The following TBC1D5 variants were observed in gnomAD, a reference collection of about 807,000 sequenced individuals.
TBC1D5 encodes TBC1 domain family member 5, also known as TBC1 domain family, member 5.
TBC1D5 carries 75 observed loss-of-function variants against 100.3 expected under a neutral mutation model. That is an observed-to-expected ratio of 0.75 (90% confidence interval 0.62 to 0.91). TBC1D5 has a LOEUF of 0.91. Among genes scored for constraint, TBC1D5 ranks in the 40% least tolerant of loss-of-function variants. TBC1D5 has a pLI of 0.00. For synonymous variants in TBC1D5, 323 were observed against 325.6 expected, an observed-to-expected ratio of 0.99 and a Z score of 0.09; for missense variants, 910 against 942.4, an observed-to-expected ratio of 0.97 and a Z score of 0.45.
At chr3:17,198,872 C>G (rs1220250494) in intron 18 of TBC1D5, among the ~76,000 whole-genome samples, 2 of 152,190 alleles carry the variant, frequency 1.3e-5, no homozygotes, top group African/African-American at 2.4e-5. Flanking sequence ...TGACTCAGTT[C>G]TTCTGTGACC....
intron 16 of TBC1D5, among the ~76,000 whole-genome samples, chr3:17,249,764 T>C (rs964850905): frequency 2.6e-5 from 4 of 152,126 alleles, no homozygotes; most frequent in Admixed American, 2.0e-4. Context: ...TCTCAAGGAA[T>C]AGGGAGGCCC....
At chr3:17,293,035 G>A (rs927962035) in intron 14 of TBC1D5, among the ~76,000 whole-genome samples, 3 of 152,060 alleles carry the variant, frequency 2.0e-5, no homozygotes, top group African/African-American at 7.2e-5. Flanking sequence ...AGCACTATGG[G>A]GAAAGGAGAC....
chr3:17,321,415 A>G (rs1432800791), intron 13 of TBC1D5, among the ~76,000 whole-genome samples: 1 of 152,218 alleles, frequency 6.6e-6, no homozygotes, highest in African/African-American at 2.4e-5. Flanking sequence ...TCCAAAAGGA[A>G]ACACTTATCA....
At chr3:17,706,437 ACACG>A (rs775178237) in intron 1 of TBC1D5, among the ~76,000 whole-genome samples, 1 of 148,482 alleles carries the variant, frequency 6.7e-6, no homozygotes, top group African/African-American at 2.5e-5. Flanking sequence ...ACACACACAC[ACACG>A]CGCGCGCACA....
At chr3:17,684,386 G>T (rs1472565598) in intron 1 of TBC1D5, among the ~76,000 whole-genome samples, 1 of 151,980 alleles carries the variant, frequency 6.6e-6, no homozygotes, top group Non-Finnish European at 1.5e-5. Context: ...GTCTACAGAG[G>T]CCATTTTCAC....
At chr3:17,220,714 C>A (rs2074179879) in intron 17 of TBC1D5, among the ~76,000 whole-genome samples, 1 of 151,996 alleles carries the variant, frequency 6.6e-6, no homozygotes, top group African/African-American at 2.4e-5. Context: ...TCTCCTTGCT[C>A]CTTGGAACTC....
At chr3:17,292,260 C>T (rs532302902) in intron 14 of TBC1D5, among the ~76,000 whole-genome samples, 1 of 152,278 alleles carries the variant, frequency 6.6e-6, no homozygotes, top group Admixed American at 6.5e-5. Flanking sequence ...GATATTTGTA[C>T]ATCTGCAACA....
intron 16 of TBC1D5, among the ~76,000 whole-genome samples, chr3:17,254,136 T>C (rs2077419109): frequency 6.6e-6 from 1 of 152,208 alleles, no homozygotes; most frequent in Non-Finnish European, 1.5e-5. Flanking sequence ...ATTTCCAGAT[T>C]TGGGGTATTA....
chr3:17,494,807 T>A (rs2095684900), intron 3 of TBC1D5, among the ~76,000 whole-genome samples: 2 of 152,170 alleles, frequency 1.3e-5, no homozygotes. Context: ...TCAATCATCT[T>A]AGGCAGTCTC....
chr3:17,167,922 T>A, intron 19 of TBC1D5, 94 bp from the exon 21 acceptor site: 1 of 890,972 alleles, frequency 1.1e-6, no homozygotes, highest in African/African-American at 1.7e-5. Flanking sequence ...GGAAGTTTTC[T>A]GCCAAATCTC....
intron 13 of TBC1D5, chr3:17,340,618 A>G (rs1051012421): frequency 6.6e-6 from 1 of 152,104 alleles, no homozygotes; most frequent in South Asian, 2.1e-4. Context: ...TAACTTAACA[A>G]AAGTATTTAT....
intron 13 of TBC1D5, among the ~76,000 whole-genome samples, chr3:17,354,598 A>C (rs1268280883): frequency 6.6e-6 from 1 of 152,030 alleles, no homozygotes; most frequent in African/African-American, 2.4e-5. Flanking sequence ...TTGCTGTATT[A>C]ATGGATTATT....
chr3:17,535,822 C>A (rs962902846), intron 2 of TBC1D5, among the ~76,000 whole-genome samples: 1 of 151,924 alleles, frequency 6.6e-6, no homozygotes, highest in Non-Finnish European at 1.5e-5. Flanking sequence ...ACACACAAAA[C>A]AAACCAATGA....
At chr3:17,331,033 C>T (rs767681545) in intron 13 of TBC1D5, among the ~76,000 whole-genome samples, 3 of 152,104 alleles carry the variant, frequency 2.0e-5, no homozygotes, top group Non-Finnish European at 4.4e-5. Context: ...ACTGCATTGC[C>T]CTTCTGTCTC....
At chr3:17,738,300 T>C (rs2077124491) in intron 1 of TBC1D5, among the ~76,000 whole-genome samples, 2 of 152,214 alleles carry the variant, frequency 1.3e-5, no homozygotes, top group Non-Finnish European at 2.9e-5. Flanking sequence ...TATATAGATA[T>C]GATCTACCAC....
intron 17 of TBC1D5, among the ~76,000 whole-genome samples, 200 bp from the exon 18 acceptor site, chr3:17,233,950 G>A (rs906965255): frequency 1.3e-5 from 2 of 151,788 alleles, no homozygotes. Flanking sequence ...GAAATGTTTT[G>A]TGTTTGTTTT....
At chr3:17,224,998 G>T (rs185661901) in intron 17 of TBC1D5, among the ~76,000 whole-genome samples, 19 of 152,058 alleles carry the variant, frequency 1.2e-4, no homozygotes, top group Admixed American at 1.2e-3. Context: ...ACATATTTTT[G>T]TGCCCTCTGG....
At chr3:17,378,818 T>C (rs561299791) in intron 9 of TBC1D5, among the ~76,000 whole-genome samples, 1 of 151,800 alleles carries the variant, frequency 6.6e-6, no homozygotes, top group Admixed American at 6.6e-5. Context: ...GTTTAATTTT[T>C]GCCATGAAAA....
intron 14 of TBC1D5, among the ~76,000 whole-genome samples, chr3:17,292,905 C>A (rs2081908291): frequency 6.6e-6 from 1 of 152,102 alleles, no homozygotes; most frequent in Admixed American, 6.5e-5. Context: ...TCAATAGAAA[C>A]AACACAAATC....
Sources: gnomAD v4.1 joint callset for allele counts (sites outside exome capture counted in the v4.1 genomes callset) on GRCh38, gnomAD v4.1.1 for gene constraint, MANE v1.5 for transcripts, NCBI Gene and HGNC (gene_info 2026-07-23, HGNC 2026-07-21) for gene names.